Variants in C12orf42 observed in about 807,000 individuals in gnomAD.
C12orf42 encodes the protein uncharacterized protein C12orf42.
In C12orf42, 25 loss-of-function variants were observed where a neutral mutation model predicts 21.6. The ratio of observed to expected loss-of-function variants is 1.16; its 90% confidence interval spans 0.84 to 1.62. The LOEUF (loss-of-function observed/expected upper bound fraction) is 1.62, where lower values mean the gene tolerates loss of function less well. Ranked by LOEUF, C12orf42 falls within the 40% of genes most tolerant of loss-of-function variation. C12orf42 has a pLI of 0.00. For missense variants in C12orf42, 483 were observed against 459.3 expected, an observed-to-expected ratio of 1.05 and a Z score of -0.47; for synonymous variants, 174 against 175.0, an observed-to-expected ratio of 0.99 and a Z score of 0.05.
intron 2 of C12orf42, among the ~76,000 whole-genome samples, chr12:103,417,609 G>A (rs116083055): frequency 1.3e-5 from 2 of 152,098 alleles, no homozygotes; most frequent in Admixed American, 6.6e-5. Flanking sequence ...TCCGCATCCA[G>A]GTCCCAATCT....
At position 103,302,677 on chromosome 12, in the gene C12orf42, A is replaced by AAAG. The variant is rs1367647481; in HGVS notation, c.632-121_632-119dup. ...AACATTTGTAATGTGCTCAGAGGGG[A>AAAG]AAGAAAAAAAAAAAAAAACCCTGAC... On this transcript the variant is annotated intron_variant, in intron 5 of 5. Transcript: ENST00000548883. 3.2e-5 allele frequency: 23 copies of AAAG among 725,388 alleles called. No homozygotes were observed. The East Asian group carries it at 7.1e-4, about 22-fold the overall frequency. The allele number at this position is 725,388 out of a possible 1,614,324, so 44.9% of individuals were successfully genotyped here. A position where few individuals can be genotyped will look rare whatever the true frequency, so the allele number is the denominator to read the frequency against.
intron 3 of C12orf42, among the ~76,000 whole-genome samples, chr12:103,395,490 C>T: frequency 6.6e-6 from 1 of 152,112 alleles, no homozygotes. Flanking sequence ...CGCCCACCAC[C>T]ACGCCCGGCT....
the C12orf42 span, among the ~76,000 whole-genome samples, chr12:103,118,383 A>T: frequency 5.9e-5 from 9 of 152,206 alleles, no homozygotes; most frequent in Non-Finnish European, 1.3e-4. Flanking sequence ...GGTAACTCAT[A>T]CTCAGCTTCT....
intron 3 of C12orf42, 24 bp from the exon 4 acceptor site, chr12:103,369,022 C>G: frequency 2.2e-6 from 3 of 1,379,922 alleles, no homozygotes; most frequent in Non-Finnish European, 3.0e-6. Context: ...GAGAAAAATA[C>G]ACACAAAAAA....
intron 4 of C12orf42, among the ~76,000 whole-genome samples, chr12:103,340,223 G>T (rs1048637743): frequency 6.6e-6 from 1 of 152,180 alleles, no homozygotes. Flanking sequence ...TCTATAGAGG[G>T]TCCCCCTCAA....
intron 5 of C12orf42, among the ~76,000 whole-genome samples, chr12:103,304,405 G>C (rs2038059653): frequency 6.6e-6 from 1 of 152,156 alleles, no homozygotes; most frequent in Non-Finnish European, 1.5e-5. Flanking sequence ...TAAACCCTAT[G>C]ATGAAAAATA....
the C12orf42 span, among the ~76,000 whole-genome samples, chr12:103,066,488 T>A: frequency 6.6e-6 from 1 of 152,358 alleles, no homozygotes; most frequent in East Asian, 1.9e-4. Flanking sequence ...GGTTCCCAGA[T>A]GGTTCTGCAC....
the C12orf42 span, among the ~76,000 whole-genome samples, chr12:103,154,025 C>CAAAAAAAAAAAAA: frequency 1.9e-5 from 1 of 51,676 alleles, no homozygotes; most frequent in Non-Finnish European, 3.6e-5. Flanking sequence ...CAAATCTCAG[C>CAAAAAAAAAAAAA]AAAAAAAAAA....
intron 4 of C12orf42, among the ~76,000 whole-genome samples, chr12:103,291,837 G>T (rs755009940): frequency 5.0e-4 from 76 of 152,254 alleles, no homozygotes; most frequent in Non-Finnish European, 7.8e-4. Context: ...ACTGCATCCT[G>T]CTTTAACCAG....
chr12:103,156,147 C>T, the C12orf42 span: 1 of 152,148 alleles, frequency 6.6e-6, no homozygotes, highest in Admixed American at 6.5e-5. Flanking sequence ...AGATTATCCT[C>T]TTTGAATCAG....
chr12:103,408,728 A>G (rs1325831155), intron 2 of C12orf42, among the ~76,000 whole-genome samples: 1 of 152,206 alleles, frequency 6.6e-6, no homozygotes, highest in African/African-American at 2.4e-5. Flanking sequence ...TAGCTTGTAG[A>G]CAAGCTTCTT....
chr12:103,096,937 T>C, the C12orf42 span, among the ~76,000 whole-genome samples: 10 of 152,296 alleles, frequency 6.6e-5, no homozygotes, highest in African/African-American at 2.4e-4. Context: ...CTATATGGTG[T>C]TTATAAAGAG....
the C12orf42 span, among the ~76,000 whole-genome samples, chr12:103,515,198 G>C: frequency 6.6e-6 from 1 of 152,136 alleles, no homozygotes; most frequent in East Asian, 1.9e-4. Flanking sequence ...TATAAAATCA[G>C]AGAAGCACAA....
chr12:103,112,738 C>T, the C12orf42 span, among the ~76,000 whole-genome samples: 3 of 152,174 alleles, frequency 2.0e-5, no homozygotes, highest in Admixed American at 6.5e-5. Context: ...AAGTCCTTAA[C>T]TTGGAATGCC....
the C12orf42 span, among the ~76,000 whole-genome samples, chr12:103,227,761 C>T: frequency 3.9e-5 from 6 of 152,152 alleles, no homozygotes; most frequent in African/African-American, 1.4e-4. Context: ...TGATTAAACA[C>T]CAAGGGAAGC....
the C12orf42 span, among the ~76,000 whole-genome samples, chr12:103,549,245 G>A: frequency 6.6e-6 from 1 of 152,084 alleles, no homozygotes; most frequent in African/African-American, 2.4e-5. Context: ...GGTTGGTTTG[G>A]TTTGTTATTT....
chr12:103,296,947 T>A (rs931695679), intron 4 of C12orf42, among the ~76,000 whole-genome samples: 2 of 152,242 alleles, frequency 1.3e-5, no homozygotes, highest in Non-Finnish European at 2.9e-5. Flanking sequence ...GCCTATGTCC[T>A]GAATGGAATT....
At chr12:103,131,483 A>G in the C12orf42 span, among the ~76,000 whole-genome samples, 1 of 152,238 alleles carries the variant, frequency 6.6e-6, no homozygotes, top group South Asian at 2.1e-4. Context: ...TTCACATAGT[A>G]TAGCTTGTCA....
intron 4 of C12orf42, among the ~76,000 whole-genome samples, chr12:103,331,062 T>G (rs1226326933): frequency 6.6e-6 from 1 of 152,218 alleles, no homozygotes; most frequent in Non-Finnish European, 1.5e-5. Context: ...AGATGCTCTT[T>G]GACTTATTAT....
Sources: allele counts gnomAD v4.1 joint callset (sites outside exome capture counted in the v4.1 genomes callset), GRCh38; gene constraint gnomAD v4.1.1; transcripts MANE v1.5; gene names NCBI Gene and HGNC (gene_info 2026-07-23, HGNC 2026-07-21).